MARCHF7: variants seen among roughly 807,000 people sequenced by gnomAD.
The protein encoded by MARCHF7 is E3 ubiquitin-protein ligase MARCHF7.
MARCHF7 carries 20 observed loss-of-function variants against 76.5 expected under a neutral mutation model. The observed-to-expected ratio is 0.26, with a 90% CI of 0.18 to 0.38. MARCHF7 has a LOEUF of 0.38. Ranked by LOEUF, MARCHF7 falls within the 10% of genes least tolerant of loss-of-function variation. The pLI is 1.00. For synonymous variants in MARCHF7, 295 were observed against 293.0 expected, an observed-to-expected ratio of 1.01 and a Z score of -0.07; for missense variants, 797 against 812.9, an observed-to-expected ratio of 0.98 and a Z score of 0.24.
chr2:159,722,544 GTGT>G (rs1376798791), intron 3 of MARCHF7, among the ~76,000 whole-genome samples: 2 of 152,170 alleles, frequency 1.3e-5, no homozygotes, highest in African/African-American at 4.8e-5. Context: ...AGAACGTTTA[GTGT>G]TGTCCCCCTA....
At chr2:159,713,005 T>G (rs1468844989) in intron 1 of MARCHF7, among the ~76,000 whole-genome samples, 2 of 152,210 alleles carry the variant, frequency 1.3e-5, no homozygotes, top group East Asian at 1.9e-4. Context: ...TTCGGAGCCC[T>G]GCGGGCCGCG....
rs547381422 is a variant in MARCHF7 at position 159,745,878 on chromosome 2, C to G, written c.455C>G (p.Ser152Cys). The stretch of plus-strand genomic sequence containing the variant: ...AGAGATTTGGAGAGAAGAACAGATT[C>G]CTCTATTAGTAATCTTATGGATTAT... ...ERRDLERRTD[S>C]SISNLMDYSH... is the part of the protein sequence containing the mutation. The change falls in exon 6 of 12, where the codon TCC becomes TGC. Residue 152 changes from serine (S) to cysteine (C), a missense_variant. Coordinates refer to ENST00000409175, the MANE Select transcript of MARCHF7 (RefSeq NM_001282805.2). 6.2e-7 allele frequency: 1 copy of G among 1,611,836 alleles called. No individual in the cohort carries two copies. The highest frequency in any genetic ancestry group is 1.3e-5 in the African/African-American group (1 of 74,848).
At chr2:159,748,932 T>A in intron 7 of MARCHF7, 29 bp downstream of exon 7, 1 of 1,470,762 alleles carries the variant, frequency 6.8e-7, no homozygotes, top group Middle Eastern at 1.9e-4. Context: ...CTTAAGCCTA[T>A]AAATCAAAAA....
intron 3 of MARCHF7, among the ~76,000 whole-genome samples, chr2:159,723,498 A>AC (rs1701847507): frequency 6.6e-6 from 1 of 151,954 alleles, no homozygotes; most frequent in African/African-American, 2.4e-5. Flanking sequence ...CTTACCCTTT[A>AC]CCCCATCTCT....
intron 4 of MARCHF7, among the ~76,000 whole-genome samples, chr2:159,730,918 TCTCA>T (rs1162718500): frequency 7.6e-6 from 1 of 131,942 alleles, no homozygotes; most frequent in Non-Finnish European, 1.7e-5. Context: ...TGAGACAGGA[TCTCA>T]CTCTGTTACC....
intron 4 of MARCHF7, 86 bp from the exon 5 acceptor site, chr2:159,742,975 T>A: frequency 8.4e-7 from 1 of 1,185,080 alleles, no homozygotes; most frequent in Non-Finnish European, 1.2e-6. Flanking sequence ...AAATTGATGC[T>A]TGTGGGAATT....
At chr2:159,740,008 A>G (rs1043493683) in intron 4 of MARCHF7, among the ~76,000 whole-genome samples, 3 of 152,220 alleles carry the variant, frequency 2.0e-5, no homozygotes, top group African/African-American at 7.2e-5. Flanking sequence ...TTTTTAATGA[A>G]TGGCATAGTC....
Position 159,761,406 on chromosome 2 carries a change from C to CTTTTTTTTTTTTTTTTT in MARCHF7, c.1894-1465_1894-1449dup, listed in dbSNP as rs747902045. On this transcript the variant is annotated intron_variant, in intron 9 of 11. Transcript: ENST00000409175. ...ACAATAATTATTAAGTGAATCATTT[C>CTTTTTTTTTTTTTTTTT]TTTTTTTTTTTTTTTTTTTTTTTTT... is the stretch of plus-strand genomic sequence containing the variant. Among the ~76,000 whole-genome samples the CTTTTTTTTTTTTTTTTT allele has an allele frequency of 9.5e-5, 7 of 73,778 alleles. 1 individual carries two copies. The highest frequency in any genetic ancestry group is 5.0e-4 in the Admixed American group (2 of 4,006). The allele number at this position is 73,778 out of a possible 152,430, so 48.4% of individuals were successfully genotyped here. A position where few individuals can be genotyped will look rare whatever the true frequency, so the allele number is the denominator to read the frequency against.
At position 159,743,161 on chromosome 2, in the gene MARCHF7, G is replaced by A. The variant is rs201825489; in HGVS notation, c.254G>A (p.Arg85Gln). 146 of 1,614,010 alleles carry A rather than the reference G, an allele frequency of 9.0e-5. 1 individual carries two copies. The highest frequency in any genetic ancestry group is 5.5e-5 in the South Asian group (5 of 91,094). The change falls in exon 5 of 12, where the codon CGG becomes CAG. Residue 85 changes from arginine to glutamine, a missense_variant. By Grantham distance (43) the Arg-to-Gln change is conservative. Transcript: ENST00000409175. The part of the protein sequence containing the change: ...GARSRSQNQQ[R>Q]DHDSKRPKLS... ...CGCTCAAGATCGCAGAACCAGCAACGGGATCATGATTCAAAAAGACCTAAA... is the reference window on the plus strand; with the variant it reads ...CGCTCAAGATCGCAGAACCAGCAACAGGATCATGATTCAAAAAGACCTAAA...
chr2:159,744,535 A>C (rs958459045), intron 5 of MARCHF7, among the ~76,000 whole-genome samples: 3 of 152,248 alleles, frequency 2.0e-5, no homozygotes, highest in Admixed American at 6.5e-5. Flanking sequence ...GCCAGTGTTT[A>C]AGAGGAGCCA....
chr2:159,763,723 T>C (rs761699387), intron 10 of MARCHF7, among the ~76,000 whole-genome samples: 1 of 152,200 alleles, frequency 6.6e-6, no homozygotes, highest in Non-Finnish European at 1.5e-5. Context: ...GTGATAAAAG[T>C]GTAGTAGAGT....
At chr2:159,730,124 A>G (rs1458495867) in intron 4 of MARCHF7, among the ~76,000 whole-genome samples, 1 of 152,106 alleles carries the variant, frequency 6.6e-6, no homozygotes, top group East Asian at 1.9e-4. Flanking sequence ...ACTGGTCTCA[A>G]ACTCTGGCTC....
Position 159,743,097 on chromosome 2 carries a change from T to C in MARCHF7, c.190T>C (p.Ser64Pro), listed in dbSNP as rs781548853. Residue 64 changes from serine to proline, a missense_variant, in exon 5 of 12, where the codon TCT (serine) becomes CCT (proline). Transcript: ENST00000409175. ...ATCAGCATCTGCGTCACCATTTCAA[T>C]CTGCATGGTATAGTGAATCTGAGAT... ...SASASASPFQ[S>P]AWYSESEITQ... 2.7e-5 allele frequency: 44 copies of C among 1,613,806 alleles called. No homozygotes were observed. In the South Asian group the frequency reaches 3.7e-4, roughly 14 times the overall value.
intron 3 of MARCHF7, 47 bp from the exon 4 acceptor site, chr2:159,728,962 C>G (rs1702473720): frequency 8.1e-7 from 1 of 1,241,032 alleles, no homozygotes; most frequent in Non-Finnish European, 1.1e-6. Flanking sequence ...GCATTAAAGG[C>G]TTTCATATTT....
chr2:159,733,957 C>G (rs1231132894), intron 4 of MARCHF7: 1 of 1,275,812 alleles, frequency 7.8e-7, no homozygotes. Flanking sequence ...TCTTTCAGTT[C>G]TCAGCCATTT....
intron 8 of MARCHF7, among the ~76,000 whole-genome samples, chr2:159,757,604 C>G (rs2125684302): frequency 6.6e-6 from 1 of 152,342 alleles, no homozygotes; most frequent in Non-Finnish European, 1.5e-5. Flanking sequence ...GATCATGCCA[C>G]TGCACTCCAG....
intron 8 of MARCHF7, among the ~76,000 whole-genome samples, chr2:159,754,330 G>A (rs1044416187): frequency 1.3e-5 from 2 of 152,026 alleles, no homozygotes; most frequent in African/African-American, 2.4e-5. Flanking sequence ...AGGTATATGT[G>A]ATCAACCCTG....
At chr2:159,724,469 A>G (rs949053527) in intron 3 of MARCHF7, among the ~76,000 whole-genome samples, 2 of 152,202 alleles carry the variant, frequency 1.3e-5, no homozygotes, top group Admixed American at 1.3e-4. Context: ...TTCTGTAACC[A>G]CAGTCAAATT....
chr2:159,744,925 A>G (rs17228021), intron 5 of MARCHF7, among the ~76,000 whole-genome samples: 9,744 of 152,318 alleles, frequency 0.064, 394 homozygotes, highest in Non-Finnish European at 0.092. Context: ...ATCATATCTA[A>G]TAAAATTACG....
Sources: gnomAD v4.1 joint callset for allele counts (sites outside exome capture counted in the v4.1 genomes callset) on GRCh38, gnomAD v4.1.1 for gene constraint, MANE v1.5 for transcripts, NCBI Gene and HGNC (gene_info 2026-07-23, HGNC 2026-07-21) for gene names.